MTA1: variants seen among roughly 807,000 people sequenced by gnomAD.
The protein encoded by MTA1 is metastasis-associated protein MTA1.
Under a neutral mutation model 97.0 loss-of-function variants are expected in MTA1, and 15 were observed. That is an observed-to-expected ratio of 0.15 (90% CI 0.10 to 0.24). MTA1 has a LOEUF of 0.24. Among genes scored for constraint, MTA1 ranks in the 10% least tolerant of loss-of-function variants. The probability of loss-of-function intolerance (pLI) is 1.00; values close to 1 mark genes in which losing one functional copy is unlikely to be tolerated. For missense variants in MTA1, 709 were observed against 1,015.1 expected (o/e 0.70, Z 4.10); for synonymous variants, 435 against 417.5 (o/e 1.04, Z -0.51).
At chr14:105,423,808 A>G (rs1347152955) in intron 1 of MTA1, among the ~76,000 whole-genome samples, 2 of 152,146 alleles carry the variant, frequency 1.3e-5, no homozygotes, top group African/African-American at 4.8e-5. Flanking sequence ...TGCTCTATAT[A>G]CTTGCCAGTG....
At chr14:105,467,078 C>T in intron 18 of MTA1, 2 of 475,456 alleles carry the variant, frequency 4.2e-6, no homozygotes, top group South Asian at 2.1e-5. Flanking sequence ...GCCGCCCGTG[C>T]TGTGCCTGCA....
Position 105,463,033 on chromosome 14 carries a change from A to G in MTA1, c.943-151A>G. 1 of 730,144 alleles carries G rather than the reference A, an allele frequency of 1.4e-6. No individual in the cohort carries two copies. The allele number at this position is 730,144 out of a possible 1,614,324, so 45.2% of individuals were successfully genotyped here. A position where few individuals can be genotyped will look rare whatever the true frequency, so the allele number is the denominator to read the frequency against. On this transcript the variant is annotated intron_variant, in intron 10 of 20. Transcript: ENST00000331320. This position sits in a 1 kb window ranked among gnomAD's most constrained non-coding sequence, Gnocchi z 5.9. ...CAGCTGCCCTCTGCACCTGCCTGCC[A>G]GCAGGGGCCTGGCCTCCGTGCACCA...
intron 1 of MTA1, among the ~76,000 whole-genome samples, chr14:105,426,535 TCTGGG>T (rs2082020972): frequency 6.6e-6 from 1 of 152,204 alleles, no homozygotes; most frequent in Admixed American, 6.5e-5. Flanking sequence ...TGTGGCGTTC[TCTGGG>T]CTGGGCTAGG....
At chr14:105,451,938 G>C (rs1555428832) in intron 6 of MTA1, among the ~76,000 whole-genome samples, 1 of 151,952 alleles carries the variant, frequency 6.6e-6, no homozygotes, top group African/African-American at 2.4e-5. Context: ...TTACAGACGT[G>C]TGTCACCATG....
Position 105,419,955 on chromosome 14 carries a change from G to A in MTA1, c.-81G>A, listed in dbSNP as rs1294476720. ...AACGCCTGCGGCGCCCCCCGCCCCC[G>A]CCATCGCGCCTCCATTTTCCCGGCC... On this transcript the variant is annotated 5_prime_UTR_variant, in exon 1 of 21. Coordinates refer to ENST00000331320, the MANE Select transcript of MTA1 (RefSeq NM_004689.4). 58 of 376,942 alleles carry A rather than the reference G, an allele frequency of 1.5e-4. No individual in the cohort carries two copies. The highest frequency in any genetic ancestry group is 1.8e-4 in the Non-Finnish European group (54 of 296,012). 23.3% of individuals were successfully genotyped at this position (376,942 alleles called of 1,614,324 possible). A position where few individuals can be genotyped will look rare whatever the true frequency, so the allele number is the denominator to read the frequency against.
chr14:105,428,006 A>C (rs1555422595), intron 1 of MTA1, among the ~76,000 whole-genome samples: 3 of 110,670 alleles, frequency 2.7e-5, no homozygotes, highest in Non-Finnish European at 5.5e-5. Flanking sequence ...CAACAGAGTG[A>C]GACTCTCTCA....
At chr14:105,429,687 T>C (rs1240915487) in intron 1 of MTA1, among the ~76,000 whole-genome samples, 1 of 149,400 alleles carries the variant, frequency 6.7e-6, no homozygotes, top group African/African-American at 2.5e-5. Context: ...TCTCCTGACC[T>C]TGTGATCCAC....
chr14:105,463,786 C>G lies in MTA1; in HGVS notation c.1076+235C>G, dbSNP rs1475174613. The G allele has an allele frequency of 1.6e-6, 1 of 622,362 alleles. No individual in the cohort carries two copies. Among genetic ancestry groups the G allele is most frequent in the Non-Finnish European group, 2.8e-6 (1 of 352,916 alleles). The allele number at this position is 622,362 out of a possible 1,614,324, so 38.6% of individuals were successfully genotyped here. ...GGGGGCATTGGGATTCCAGCCCACA[C>G]CGCCAGGGTTCAGTCCCTGAGCTGG... On this transcript the variant is annotated intron_variant, in intron 12 of 20. Transcript: ENST00000331320. This position sits in a 1 kb window ranked among gnomAD's most constrained non-coding sequence, Gnocchi z 5.9.
chr14:105,460,284 C>T (rs1467769604), intron 8 of MTA1, 74 bp from the exon 9 acceptor site: 17 of 1,383,898 alleles, frequency 1.2e-5, no homozygotes, highest in Middle Eastern at 2.2e-4. Context: ...TGGTCCCTGG[C>T]GCCTGGGGAG....
chr14:105,464,257 CG>C, intron 13 of MTA1, 110 bp downstream of exon 13: 1 of 1,356,200 alleles, frequency 7.4e-7, no homozygotes, highest in South Asian at 1.3e-5. Flanking sequence ...GGCCCACTGA[CG>C]ATGGGGGCTG....
chr14:105,441,748 C>T lies in MTA1; in HGVS notation c.96+3009C>T, dbSNP rs191751518. On this transcript the variant is annotated intron_variant, in intron 2 of 20. Transcript: ENST00000331320. Reference sequence around the variant, plus strand: ...GGTGGAGCTTGCAGTGAGCCGAGATCCCGCCACTACACTCCAGCCTGGGCG... The same window carrying T: ...GGTGGAGCTTGCAGTGAGCCGAGATTCCGCCACTACACTCCAGCCTGGGCG... Among the ~76,000 whole-genome samples, 498 of 152,214 alleles carry T rather than the reference C, an allele frequency of 3.3e-3. 5 individuals carry two copies. Among genetic ancestry groups the T allele is most frequent in the African/African-American group, 0.011 (475 of 41,522 alleles).
Position 105,464,878 on chromosome 14 carries a change from C to T in MTA1, c.1534+15C>T, listed in dbSNP as rs782192146. The stretch of plus-strand genomic sequence containing the variant: ...CAAGGCCGAGTGTGAGTCACCCCAA[C>T]GCCCCGCTTACTCTGTTCCTGCGGG... On this transcript the variant is annotated intron_variant, in intron 15 of 20. Transcript: ENST00000331320. 41 of 1,551,888 alleles carry T rather than the reference C, an allele frequency of 2.6e-5. No individual in the cohort carries two copies. Among genetic ancestry groups the T allele is most frequent in the East Asian group, 1.8e-4 (8 of 44,094 alleles).
chr14:105,462,265 C>T (rs1161507104), intron 10 of MTA1, among the ~76,000 whole-genome samples: 1 of 152,200 alleles, frequency 6.6e-6, no homozygotes, highest in Non-Finnish European at 1.5e-5. Context: ...TTTAATAAGA[C>T]AGGTTTCTTA....
intron 6 of MTA1, among the ~76,000 whole-genome samples, chr14:105,453,510 G>A (rs1322873120): frequency 1.3e-5 from 2 of 151,526 alleles, no homozygotes; most frequent in African/African-American, 2.4e-5. Context: ...ACCATGTTTC[G>A]AAAAAGGAAA....
chr14:105,420,617 C>T lies in MTA1; in HGVS notation c.28+554C>T, dbSNP rs986560539. Among the ~76,000 whole-genome samples the T allele has an allele frequency of 2.0e-5, 3 of 152,190 alleles. No homozygotes were observed. ...CAGGGGGTCTTCAGCAGGGAGCGAG[C>T]ATCCCGAGCACGCCTCTAAGTCCCC... On this transcript the variant is annotated intron_variant, in intron 1 of 20. Coordinates refer to ENST00000331320, the MANE Select transcript of MTA1 (RefSeq NM_004689.4). The surrounding 1 kb of genome is among the most constrained non-coding windows in gnomAD (Gnocchi z 5.3).
chr14:105,450,939 G>T (rs1156651251), intron 6 of MTA1, among the ~76,000 whole-genome samples: 3 of 152,210 alleles, frequency 2.0e-5, no homozygotes, highest in South Asian at 4.1e-4. Flanking sequence ...GAGGCCACGT[G>T]GGGGCAAAAG....
chr14:105,441,876 T>C (rs973958813), intron 2 of MTA1, among the ~76,000 whole-genome samples: 2 of 152,092 alleles, frequency 1.3e-5, no homozygotes, highest in African/African-American at 4.8e-5. Flanking sequence ...ACAAAGCCCG[T>C]GAATGTTCTC....
At chr14:105,454,616 CTTTTTT>C in intron 7 of MTA1, 1 of 251,726 alleles carries the variant, frequency 4.0e-6, no homozygotes, top group Non-Finnish European at 8.0e-6. Context: ...TTTTCTTTTT[CTTTTTT>C]TTCAGACGGA....
intron 18 of MTA1, chr14:105,469,053 G>A (rs782419898): frequency 5.0e-5 from 21 of 416,730 alleles, no homozygotes; most frequent in South Asian, 2.5e-4. Flanking sequence ...GAAAAAGCCC[G>A]GCCTCCTGGT....
Sources: allele counts gnomAD v4.1 joint callset (sites outside exome capture counted in the v4.1 genomes callset), GRCh38; gene constraint gnomAD v4.1.1; non-coding constraint Gnocchi (gnomAD v3.1); transcripts MANE v1.5; gene names NCBI Gene and HGNC (gene_info 2026-07-23, HGNC 2026-07-21).